Variants in AGBL4 observed in about 807,000 individuals in gnomAD.
The protein encoded by AGBL4 is cytosolic carboxypeptidase 6.
Under a neutral mutation model 66.4 loss-of-function variants are expected in AGBL4, and 58 were observed. That is an observed-to-expected ratio of 0.87 (90% CI 0.71 to 1.09). The LOEUF is 1.09. Among genes scored for constraint, AGBL4 ranks in the 50% least tolerant of loss-of-function variants. The pLI, the probability that AGBL4 is intolerant of heterozygous loss-of-function variation, is 0.00. For synonymous variants in AGBL4, 234 were observed against 222.9 expected (o/e 1.05, Z -0.44); for missense variants, 579 against 631.0 (o/e 0.92, Z 0.88).
intron 3 of AGBL4, among the ~76,000 whole-genome samples, chr1:49,409,655 T>C (rs1402233502): frequency 6.6e-6 from 1 of 152,182 alleles, no homozygotes; most frequent in Non-Finnish European, 1.5e-5. Flanking sequence ...CTTTCTTAAG[T>C]TAGTAAAATT....
chr1:48,617,268 C>T lies in AGBL4; in HGVS notation c.951+17225G>A, dbSNP rs571498160. Reference sequence around the variant, plus strand: ...TAAAAAAGGTCAAAATGAACCGCAGCAAAATGAGACATTTTGTCATTTTTA... The same window carrying T: ...TAAAAAAGGTCAAAATGAACCGCAGTAAAATGAGACATTTTGTCATTTTTA... On this transcript the variant is annotated intron_variant, in intron 9 of 13. Coordinates refer to ENST00000371839, the MANE Select transcript of AGBL4 (RefSeq NM_032785.4). Among the ~76,000 whole-genome samples the T allele has an allele frequency of 3.9e-5, 6 of 152,202 alleles. No homozygotes were observed. In the South Asian group the frequency reaches 1.2e-3, roughly 32 times the overall value.
chr1:49,733,943 G>A (rs1423281404), intron 2 of AGBL4, among the ~76,000 whole-genome samples: 3 of 152,064 alleles, frequency 2.0e-5, no homozygotes, highest in Admixed American at 2.0e-4. Context: ...CTATGACTAA[G>A]TAGAATTCAT....
chr1:49,845,604 C>T, intron 2 of AGBL4: 1 of 1,606,754 alleles, frequency 6.2e-7, no homozygotes, highest in African/African-American at 1.3e-5. Context: ...GTGGAAAAGC[C>T]TTCACCCAGA....
intron 3 of AGBL4, among the ~76,000 whole-genome samples, chr1:49,370,721 C>T (rs187380313): frequency 1.3e-5 from 2 of 152,212 alleles, no homozygotes; most frequent in East Asian, 3.9e-4. Context: ...CAAGATTTTA[C>T]CTAACAGTAT....
intron 3 of AGBL4, among the ~76,000 whole-genome samples, chr1:49,284,655 T>G (rs1020864186): frequency 1.3e-5 from 2 of 151,822 alleles, no homozygotes; most frequent in African/African-American, 4.8e-5. Context: ...ACACATAGGG[T>G]CAAAATAAAA....
chr1:49,287,668 C>G (rs1327007152), intron 3 of AGBL4, among the ~76,000 whole-genome samples: 1 of 152,050 alleles, frequency 6.6e-6, no homozygotes, highest in African/African-American at 2.4e-5. Context: ...AATGAGATAC[C>G]ATCTCACACC....
At chr1:49,715,308 T>C (rs1222909860) in intron 2 of AGBL4, among the ~76,000 whole-genome samples, 1 of 152,204 alleles carries the variant, frequency 6.6e-6, no homozygotes, top group Non-Finnish European at 1.5e-5. Context: ...TCCTTTTTTA[T>C]GGCTGCATAG....
chr1:49,084,784 T>A (rs1644874528), intron 4 of AGBL4, among the ~76,000 whole-genome samples: 1 of 152,144 alleles, frequency 6.6e-6, no homozygotes, highest in Non-Finnish European at 1.5e-5. Context: ...GACAAAAATA[T>A]GTTAAAAAAC....
intron 3 of AGBL4, among the ~76,000 whole-genome samples, chr1:49,561,623 C>T (rs1644047141): frequency 1.3e-5 from 2 of 152,052 alleles, no homozygotes; most frequent in South Asian, 2.1e-4. Context: ...CATGTCCCTA[C>T]AAAGGACATG....
chr1:49,144,448 G>T (rs528200441), intron 4 of AGBL4, among the ~76,000 whole-genome samples: 1 of 151,434 alleles, frequency 6.6e-6, no homozygotes, highest in East Asian at 2.0e-4. Context: ...GAAAGGAAAT[G>T]GAGGGGAGGG....
chr1:49,880,240 C>T (rs1230512272), intron 1 of AGBL4, among the ~76,000 whole-genome samples: 3 of 151,846 alleles, frequency 2.0e-5, no homozygotes, highest in Admixed American at 6.6e-5. Flanking sequence ...AGGCGCTCTG[C>T]GTTTTAGAGT....
intron 9 of AGBL4, among the ~76,000 whole-genome samples, chr1:48,612,959 C>T (rs950111498): frequency 2.6e-5 from 4 of 152,110 alleles, no homozygotes; most frequent in African/African-American, 7.2e-5. Context: ...CGTGGCAAAA[C>T]CCCATCTCTA....
chr1:49,520,112 T>C (rs921639573), intron 3 of AGBL4, among the ~76,000 whole-genome samples: 1 of 152,058 alleles, frequency 6.6e-6, no homozygotes, highest in East Asian at 1.9e-4. Context: ...AGTGACCTGA[T>C]AATCTACTAG....
At chr1:49,158,867 A>G (rs1347205375) in intron 4 of AGBL4, among the ~76,000 whole-genome samples, 5 of 150,808 alleles carry the variant, frequency 3.3e-5, no homozygotes, top group Non-Finnish European at 5.9e-5. Context: ...AGTCTGTTTT[A>G]TCAGACTAGG....
intron 3 of AGBL4, among the ~76,000 whole-genome samples, chr1:49,284,952 T>C (rs1644368616): frequency 6.7e-6 from 1 of 150,098 alleles, no homozygotes. Flanking sequence ...CTGTCAACAT[T>C]AGACAGATCA....
chr1:49,200,888 G>A (rs574745236), intron 4 of AGBL4, among the ~76,000 whole-genome samples: 1 of 152,168 alleles, frequency 6.6e-6, no homozygotes, highest in Admixed American at 6.5e-5. Flanking sequence ...CTCCCTGGAG[G>A]TTGGGGGGTG....
Position 48,653,377 on chromosome 1 carries a change from G to C in AGBL4, c.799C>G (p.Pro267Ala). 1 of 1,587,206 alleles carries C rather than the reference G, an allele frequency of 6.3e-7. No homozygotes were observed. Residue 267 changes from proline (P) to alanine (A), a missense_variant, in exon 8 of 14, where the codon CCA (proline) becomes GCA (alanine). Pro to Ala is a conservative substitution (Grantham distance 27). Coordinates refer to ENST00000371839, the MANE Select transcript of AGBL4 (RefSeq NM_032785.4). ...LREYLVFKIA[P>A]MLNPDGVYLG... Reference sequence around the variant, plus strand: ...TAGACTCCATCAGGATTGAGCATTGGTGCGATCTTGAAGACCAGGTATTCC... The same window carrying C: ...TAGACTCCATCAGGATTGAGCATTGCTGCGATCTTGAAGACCAGGTATTCC...
At chr1:49,068,612 T>C (rs1644538210) in intron 4 of AGBL4, among the ~76,000 whole-genome samples, 1 of 152,206 alleles carries the variant, frequency 6.6e-6, no homozygotes, top group Non-Finnish European at 1.5e-5. Flanking sequence ...TGCCACATTT[T>C]CTTTATCCAG....
intron 3 of AGBL4, among the ~76,000 whole-genome samples, chr1:49,262,060 A>ATTAAAT (rs2148364462): frequency 1.3e-5 from 2 of 152,140 alleles, no homozygotes; most frequent in South Asian, 4.2e-4. Context: ...GCAATGGGGA[A>ATTAAAT]AGGATTCCCT....
Sources: allele counts gnomAD v4.1 joint callset (sites outside exome capture counted in the v4.1 genomes callset), GRCh38; gene constraint gnomAD v4.1.1; transcripts MANE v1.5; gene names NCBI Gene and HGNC (gene_info 2026-07-23, HGNC 2026-07-21).